The following HTR4 variants were observed in gnomAD, a reference collection of about 807,000 sequenced individuals.
HTR4 encodes 5-hydroxytryptamine (serotonin) receptor 4, G protein-coupled.
A neutral mutation model predicts 36.8 loss-of-function variants in HTR4; 16 were observed. The observed-to-expected ratio is 0.43, with a 90% CI of 0.29 to 0.66. The LOEUF is 0.66. HTR4 is among the 30% of genes least tolerant of loss of function. HTR4 has a pLI of 0.13. For synonymous variants in HTR4, 189 were observed against 185.1 expected, an observed-to-expected ratio of 1.02 and a Z score of -0.17; for missense variants, 438 against 490.9, an observed-to-expected ratio of 0.89 and a Z score of 1.02.
intron 6 of HTR4, among the ~76,000 whole-genome samples, chr5:148,486,765 C>T (rs1219761100): frequency 1.3e-5 from 2 of 152,114 alleles, no homozygotes; most frequent in Non-Finnish European, 2.9e-5. Context: ...TCGCTGGAAA[C>T]ACAGGGAGGG....
intron 4 of HTR4, among the ~76,000 whole-genome samples, chr5:148,541,588 T>A (rs1168491053): frequency 2.6e-5 from 4 of 152,020 alleles, no homozygotes; most frequent in African/African-American, 9.7e-5. Context: ...GTTATCTGAG[T>A]ATTGAAGAAA....
At chr5:148,583,611 C>CCATCATCAT (rs112185238) in intron 2 of HTR4, among the ~76,000 whole-genome samples, 61 of 147,990 alleles carry the variant, frequency 4.1e-4, no homozygotes, top group East Asian at 3.0e-3. Flanking sequence ...ATACTAATTG[C>CCATCATCAT]CATCATCATC....
intron 5 of HTR4, among the ~76,000 whole-genome samples, chr5:148,469,604 G>T (rs1755515332): frequency 6.6e-6 from 1 of 152,128 alleles, no homozygotes; most frequent in Non-Finnish European, 1.5e-5. Context: ...GTGTTTGTTT[G>T]GTCAGAGCTT....
intron 2 of HTR4, among the ~76,000 whole-genome samples, chr5:148,559,874 G>A (rs1330991081): frequency 1.3e-5 from 2 of 151,936 alleles, no homozygotes; most frequent in South Asian, 4.1e-4. Context: ...TCTTTTCCCC[G>A]CTTATAAAGC....
chr5:148,546,476 G>A (rs1391016738), intron 4 of HTR4, among the ~76,000 whole-genome samples: 1 of 152,138 alleles, frequency 6.6e-6, no homozygotes, highest in Non-Finnish European at 1.5e-5. Flanking sequence ...AATTCATCCT[G>A]TTTCATGACA....
At chr5:148,514,649 T>C (rs1235369950) in intron 5 of HTR4, among the ~76,000 whole-genome samples, 1 of 152,174 alleles carries the variant, frequency 6.6e-6, no homozygotes, top group African/African-American at 2.4e-5. Context: ...ATATGAAGAA[T>C]AGACACCTAT....
rs1007281653 is a variant in HTR4, at chr5:148,482,037, G to C, written c.*1166C>G. On this transcript the variant is annotated 3_prime_UTR_variant, in exon 7 of 7. Coordinates refer to ENST00000377888, the MANE Select transcript of HTR4 (RefSeq NM_000870.7). ...CCTCTAGTCCAAGCTTGAGTGCACA[G>C]ATGTGGAAAGTGGGGTCCAGAGATG... is the stretch of plus-strand genomic sequence containing the variant. 2 of 983,238 alleles carry C rather than the reference G, an allele frequency of 2.0e-6. No individual in the cohort carries two copies. Among genetic ancestry groups the C allele is most frequent in the African/African-American group, 3.5e-5 (2 of 57,246 alleles). 60.9% of individuals were successfully genotyped at this position (983,238 alleles called of 1,614,324 possible).
chr5:148,626,266 T>A (rs1581563943), intron 2 of HTR4, among the ~76,000 whole-genome samples: 2 of 152,234 alleles, frequency 1.3e-5, no homozygotes, highest in African/African-American at 4.8e-5. Flanking sequence ...TAAAATTCAG[T>A]TCAATTCAAG....
intron 2 of HTR4, among the ~76,000 whole-genome samples, chr5:148,608,245 C>T (rs978479198): frequency 1.3e-5 from 2 of 152,130 alleles, no homozygotes; most frequent in African/African-American, 4.8e-5. Context: ...ATAAGCAGTG[C>T]CTGCCTTCAT....
At chr5:148,497,126 CA>C (rs556270809) in intron 6 of HTR4, among the ~76,000 whole-genome samples, 1,945 of 151,674 alleles carry the variant, frequency 0.013, 44 homozygotes, top group African/African-American at 0.044. Context: ...TTATACTTTT[CA>C]AAAAAAACCA....
chr5:148,464,905 G>T (rs1206745696), intron 5 of HTR4, among the ~76,000 whole-genome samples: 1 of 152,112 alleles, frequency 6.6e-6, no homozygotes, highest in East Asian at 1.9e-4. Flanking sequence ...ATCGAAATGA[G>T]CTATCAAACC....
At chr5:148,460,926 C>T (rs1755261402) in intron 5 of HTR4, among the ~76,000 whole-genome samples, 1 of 151,910 alleles carries the variant, frequency 6.6e-6, no homozygotes, top group African/African-American at 2.4e-5. Flanking sequence ...ACTATCTGTA[C>T]ATATGTTTAT....
chr5:148,527,764 C>A (rs1758354193), intron 4 of HTR4, among the ~76,000 whole-genome samples: 1 of 152,146 alleles, frequency 6.6e-6, no homozygotes, highest in African/African-American at 2.4e-5. Flanking sequence ...CAGGCGTGCA[C>A]CACCACACCC....
intron 4 of HTR4, among the ~76,000 whole-genome samples, chr5:148,531,488 G>A (rs528146313): frequency 1.1e-4 from 16 of 152,244 alleles, no homozygotes; most frequent in African/African-American, 2.4e-4. Flanking sequence ...CCCTAGTCAC[G>A]TAGAATTGTG....
chr5:148,536,829 C>T (rs554185983), intron 4 of HTR4, among the ~76,000 whole-genome samples: 10 of 152,178 alleles, frequency 6.6e-5, no homozygotes, highest in Admixed American at 2.6e-4. Flanking sequence ...AGACAGATCA[C>T]TGAGGCAGAA....
chr5:148,528,695 C>T (rs1758404412), intron 4 of HTR4, among the ~76,000 whole-genome samples: 1 of 151,976 alleles, frequency 6.6e-6, no homozygotes, highest in African/African-American at 2.4e-5. Flanking sequence ...TTTTCAGTTC[C>T]TATATTTGGA....
chr5:148,617,325 C>A (rs13165109), intron 2 of HTR4, among the ~76,000 whole-genome samples: 1 of 152,080 alleles, frequency 6.6e-6, no homozygotes, highest in South Asian at 2.1e-4. Flanking sequence ...GATGCTAGTG[C>A]CTTGCTTGTA....
intron 2 of HTR4, among the ~76,000 whole-genome samples, chr5:148,558,109 C>T (rs995182181): frequency 6.6e-6 from 1 of 151,958 alleles, no homozygotes; most frequent in African/African-American, 2.4e-5. Context: ...TCCTGCCCAG[C>T]CCTGCACAGT....
At chr5:148,499,860 C>A (rs1018429189) in intron 6 of HTR4, among the ~76,000 whole-genome samples, 2 of 152,138 alleles carry the variant, frequency 1.3e-5, no homozygotes, top group African/African-American at 4.8e-5. Context: ...TAAAAAGAGT[C>A]TAGCATCTCC....
Sources: gnomAD v4.1 joint callset for allele counts (sites outside exome capture counted in the v4.1 genomes callset) on GRCh38, gnomAD v4.1.1 for gene constraint, MANE v1.5 for transcripts, NCBI Gene and HGNC (gene_info 2026-07-23, HGNC 2026-07-21) for gene names.